Variants in CADM2 observed in about 807,000 individuals in gnomAD.
CADM2 encodes the protein immunoglobulin superfamily member 4D.
A neutral mutation model predicts 49.8 loss-of-function variants in CADM2; 12 were observed. That is an observed-to-expected ratio of 0.24 (90% CI 0.15 to 0.39). The LOEUF (loss-of-function observed/expected upper bound fraction) is 0.39, where lower values mean the gene tolerates loss of function less well. Ranked by LOEUF, CADM2 falls within the 10% of genes least tolerant of loss-of-function variation. CADM2 has a pLI of 1.00. For missense variants in CADM2, 378 were observed against 492.3 expected (o/e 0.77, Z 2.20); for synonymous variants, 214 against 175.4 (o/e 1.22, Z -1.74).
At chr3:85,544,981 A>G (rs73132375) in intron 1 of CADM2, among the ~76,000 whole-genome samples, 13,603 of 151,900 alleles carry the variant, frequency 0.09, 889 homozygotes, top group Non-Finnish European at 0.13. Flanking sequence ...AGGTCATCCA[A>G]CTCCCACCCA....
At chr3:85,045,984 A>G (rs2035639404) in intron 1 of CADM2, among the ~76,000 whole-genome samples, 1 of 152,126 alleles carries the variant, frequency 6.6e-6, no homozygotes, top group Non-Finnish European at 1.5e-5. Context: ...AAGATTGAAA[A>G]GTGGGTGAAT....
At chr3:85,480,600 C>G (rs2039171333) in intron 1 of CADM2, among the ~76,000 whole-genome samples, 1 of 151,830 alleles carries the variant, frequency 6.6e-6, no homozygotes, top group South Asian at 2.1e-4. Flanking sequence ...AAAGGATTTG[C>G]TATTTTCATT....
intron 1 of CADM2, among the ~76,000 whole-genome samples, chr3:84,967,818 G>A (rs1257576368): frequency 6.6e-6 from 1 of 152,052 alleles, no homozygotes; most frequent in Non-Finnish European, 1.5e-5. Context: ...CATGTGCAAT[G>A]TGTATTGACT....
At chr3:85,845,376 C>A (rs73845699) in intron 3 of CADM2, among the ~76,000 whole-genome samples, 7,862 of 152,042 alleles carry the variant, frequency 0.052, 573 homozygotes, top group African/African-American at 0.16. Context: ...GGTCTCCCTC[C>A]GGAGACCACT....
chr3:85,226,250 A>ATTTTT (rs149057525), intron 1 of CADM2, among the ~76,000 whole-genome samples: 141 of 145,632 alleles, frequency 9.7e-4, no homozygotes, highest in African/African-American at 3.5e-3. Context: ...CTGGTCCTGG[A>ATTTTT]TTTTTTTTTT....
intron 1 of CADM2, among the ~76,000 whole-genome samples, chr3:85,681,062 C>G (rs2066028085): frequency 6.6e-6 from 1 of 152,084 alleles, no homozygotes; most frequent in African/African-American, 2.4e-5. Flanking sequence ...TAACAGGGCT[C>G]TTTTAGATGC....
At chr3:85,935,973 T>A (rs564340022) in intron 7 of CADM2, 116 bp downstream of exon 7, 90 of 546,744 alleles carry the variant, frequency 1.6e-4, no homozygotes, top group African/African-American at 1.6e-3. Flanking sequence ...GGCAAAGTGA[T>A]CTCTAGAACA....
At chr3:85,191,063 T>C (rs1163860015) in intron 1 of CADM2, among the ~76,000 whole-genome samples, 1 of 152,116 alleles carries the variant, frequency 6.6e-6, no homozygotes, top group Non-Finnish European at 1.5e-5. Context: ...AGATGAATGA[T>C]ATTCTGTTGG....
chr3:85,233,535 A>G (rs2042345564), intron 1 of CADM2, among the ~76,000 whole-genome samples: 1 of 152,148 alleles, frequency 6.6e-6, no homozygotes, highest in African/African-American at 2.4e-5. Context: ...ACTTAAAGCT[A>G]TTCTAAAAAA....
rs371271736 is a variant in CADM2, at chr3:85,999,266, A to G, written c.970+37619A>G. Among the ~76,000 whole-genome samples, 824 of 103,976 alleles carry G rather than the reference A, an allele frequency of 7.9e-3. 8 individuals carry two copies. The highest frequency in any genetic ancestry group is 0.033 in the Middle Eastern group (7 of 214). 68.2% of individuals were successfully genotyped at this position (103,976 alleles called of 152,430 possible). A position where few individuals can be genotyped will look rare whatever the true frequency, so the allele number is the denominator to read the frequency against. ...GTAATCCCATCACTTTGGGAGGCCG[A>G]GGGTTGGGGGGTGGATCACTTGAGT... On this transcript the variant is annotated intron_variant, in intron 8 of 9. Coordinates refer to ENST00000383699, the MANE Select transcript of CADM2 (RefSeq NM_001167675.2).
intron 1 of CADM2, among the ~76,000 whole-genome samples, chr3:85,051,322 A>G (rs1224502550): frequency 6.6e-6 from 1 of 152,214 alleles, no homozygotes; most frequent in Non-Finnish European, 1.5e-5. Context: ...AGAGATCTTC[A>G]CCATATGACT....
chr3:85,410,014 C>A (rs2035584155), intron 1 of CADM2, among the ~76,000 whole-genome samples: 1 of 152,104 alleles, frequency 6.6e-6, no homozygotes, highest in African/African-American at 2.4e-5. Context: ...ACCTTTTCTG[C>A]TTCCTGCCTG....
chr3:85,325,450 G>A (rs571278041), intron 1 of CADM2, among the ~76,000 whole-genome samples: 61 of 152,186 alleles, frequency 4.0e-4, no homozygotes, highest in African/African-American at 1.4e-3. Context: ...GGTGGCTCAC[G>A]CCTATAATCC....
At chr3:85,585,337 C>G (rs931345470) in intron 1 of CADM2, among the ~76,000 whole-genome samples, 3 of 151,678 alleles carry the variant, frequency 2.0e-5, no homozygotes, top group African/African-American at 7.3e-5. Flanking sequence ...AAACAGAAGC[C>G]ATAAAGTGCT....
chr3:85,810,945 C>T (rs2108125501), intron 3 of CADM2, among the ~76,000 whole-genome samples: 1 of 152,232 alleles, frequency 6.6e-6, no homozygotes, highest in Non-Finnish European at 1.5e-5. Flanking sequence ...TGTATAATTA[C>T]TACATTTACT....
intron 1 of CADM2, 136 bp downstream of exon 1, chr3:84,959,804 T>A (rs996477056): frequency 4.7e-5 from 38 of 810,926 alleles, no homozygotes; most frequent in Admixed American, 3.0e-4. Flanking sequence ...TACTCTCTGG[T>A]GCGGCAGGGG....
chr3:85,903,148 A>C (rs549019241), intron 5 of CADM2, among the ~76,000 whole-genome samples: 1 of 151,932 alleles, frequency 6.6e-6, no homozygotes, highest in Non-Finnish European at 1.5e-5. Context: ...CTTGTTATAG[A>C]CCCTGTAATA....
At chr3:85,031,804 G>A (rs1009461919) in intron 1 of CADM2, among the ~76,000 whole-genome samples, 6 of 152,164 alleles carry the variant, frequency 3.9e-5, no homozygotes, top group Non-Finnish European at 7.3e-5. Flanking sequence ...ACAGACGTGA[G>A]CCACCACGCC....
At chr3:85,055,730 G>A (rs1018596656) in intron 1 of CADM2, among the ~76,000 whole-genome samples, 1 of 151,942 alleles carries the variant, frequency 6.6e-6, no homozygotes, top group Non-Finnish European at 1.5e-5. Context: ...TGATATTAGG[G>A]AATAGACTGA....
Sources: allele counts gnomAD v4.1 joint callset (sites outside exome capture counted in the v4.1 genomes callset), GRCh38; gene constraint gnomAD v4.1.1; transcripts MANE v1.5; gene names NCBI Gene and HGNC (gene_info 2026-07-23, HGNC 2026-07-21).